WASHC2C: variants seen among roughly 807,000 people sequenced by gnomAD.
The protein encoded by WASHC2C is WASH complex subunit 2C, also known as Vaccinia Penetration Factor.
In WASHC2C, 73 loss-of-function variants were observed where a neutral mutation model predicts 142.2. The ratio of observed to expected loss-of-function variants is 0.51; its 90% CI spans 0.43 to 0.62. The LOEUF (loss-of-function observed/expected upper bound fraction) is 0.62, where lower values mean the gene tolerates loss of function less well. Among genes scored for constraint, WASHC2C ranks in the 20% least tolerant of loss-of-function variants. The pLI is 0.00. For synonymous variants in WASHC2C, 337 were observed against 565.5 expected, an observed-to-expected ratio of 0.60 and a Z score of 5.73; for missense variants, 969 against 1,531.7, an observed-to-expected ratio of 0.63 and a Z score of 6.13.
At chr10:45,727,854 C>G (rs1223106637) in intron 2 of WASHC2C, among the ~76,000 whole-genome samples, 2 of 152,120 alleles carry the variant, frequency 1.3e-5, no homozygotes, top group Non-Finnish European at 2.9e-5. Context: ...CTGTTGGGAC[C>G]TGGACTAAAT....
At chr10:45,727,383 G>C (rs1351436178) in intron 1 of WASHC2C, 34 bp from the exon 2 acceptor site, 2 of 1,609,368 alleles carry the variant, frequency 1.2e-6, no homozygotes, top group African/African-American at 2.7e-5. Flanking sequence ...GCCGCCCTCA[G>C]GCTCAGCCTC....
At chr10:45,758,642 C>G (rs1398138632) in intron 16 of WASHC2C, among the ~76,000 whole-genome samples, 2 of 143,398 alleles carry the variant, frequency 1.4e-5, no homozygotes, top group African/African-American at 5.2e-5. Flanking sequence ...GGGTCTTGCT[C>G]TGTTGCCCAG....
chr10:45,740,904 C>T (rs550973605), intron 5 of WASHC2C, among the ~76,000 whole-genome samples: 3,006 of 93,370 alleles, frequency 0.032, 47 homozygotes, highest in African/African-American at 0.12. Flanking sequence ...AGAAAGAGGC[C>T]TTGTGACACA....
chr10:45,729,054 C>T (rs782476895), intron 3 of WASHC2C, 28 bp downstream of exon 3: 3 of 1,589,404 alleles, frequency 1.9e-6, no homozygotes, highest in African/African-American at 1.4e-5. Flanking sequence ...ATTATAATTC[C>T]TTTTTTGGGA....
Position 45,789,059 on chromosome 10 carries a change from T to C in WASHC2C, c.3276T>C (p.Thr1092=). 1 of 1,612,014 alleles carries C rather than the reference T, an allele frequency of 6.2e-7. No homozygotes were observed. Among genetic ancestry groups the C allele is most frequent in the Non-Finnish European group, 8.5e-7 (1 of 1,179,850 alleles). The part of the protein sequence containing the change: ...QLRAASGEDS[T]EEALAAAAAP... ...GAGCAGCCAGTGGAGAAGACAGCAC[T>C]GAGGAGGCCCTGGCAGCTGCCGCTG... Residue 1092 remains threonine (T), a synonymous_variant, in exon 29 of 31, where the codon ACT becomes ACC. Coordinates refer to ENST00000623400, the MANE Select transcript of WASHC2C (RefSeq NM_001330074.2).
At chr10:45,746,526 A>G in intron 7 of WASHC2C, 74 bp from the exon 8 acceptor site, 2 of 1,545,514 alleles carry the variant, frequency 1.3e-6, no homozygotes, top group Non-Finnish European at 1.8e-6. Context: ...TGCCCCAGAG[A>G]CTTAGACCTG....
At chr10:45,760,095 C>T (rs2054901078) in intron 17 of WASHC2C, among the ~76,000 whole-genome samples, 2 of 145,168 alleles carry the variant, frequency 1.4e-5, no homozygotes, top group South Asian at 4.6e-4. Context: ...CTGGCATAGC[C>T]ATCTGTCTTG....
At chr10:45,791,142 A>G (rs1210281608) in intron 30 of WASHC2C, among the ~76,000 whole-genome samples, 1 of 151,698 alleles carries the variant, frequency 6.6e-6, no homozygotes, top group African/African-American at 2.4e-5. Flanking sequence ...TGAGCCACAT[A>G]CACATTTCCT....
At chr10:45,768,419 G>A (rs1388690858) in intron 19 of WASHC2C, among the ~76,000 whole-genome samples, 3 of 151,994 alleles carry the variant, frequency 2.0e-5, no homozygotes, top group Non-Finnish European at 2.9e-5. Context: ...AAACCTTCAT[G>A]TTTAGGAAAT....
chr10:45,762,107 A>T (rs1157040016), intron 17 of WASHC2C, among the ~76,000 whole-genome samples: 1 of 151,742 alleles, frequency 6.6e-6, no homozygotes, highest in African/African-American at 2.4e-5. Context: ...TCCCAAGGGA[A>T]TAGATGTCCC....
Position 45,763,371 on chromosome 10 carries a change from T to C in WASHC2C, c.1636-17T>C, listed in dbSNP as rs1207815625. On this transcript the variant is annotated splice_polypyrimidine_tract_variant and intron_variant, in intron 17 of 30. Transcript: ENST00000623400. Reference sequence around the variant, plus strand: ...TGATATTCCTGTTAACCAGCAACTTTAATTTCAATCCAACAGGATTTGTTT... The same window carrying C: ...TGATATTCCTGTTAACCAGCAACTTCAATTTCAATCCAACAGGATTTGTTT... 4 of 682,980 alleles carry C rather than the reference T, an allele frequency of 5.9e-6. No homozygotes were observed. Among genetic ancestry groups the C allele is most frequent in the Non-Finnish European group, 1.0e-5 (4 of 393,462 alleles). The allele number at this position is 682,980 out of a possible 1,614,324, so 42.3% of individuals were successfully genotyped here.
chr10:45,786,106 C>T (rs529214309), intron 26 of WASHC2C: 123 of 289,788 alleles, frequency 4.2e-4, no homozygotes, highest in African/African-American at 2.5e-3. Flanking sequence ...GACTGGAGAG[C>T]GAGTGACAGT....
At chr10:45,727,716 GA>G (rs1289735599) in intron 2 of WASHC2C, among the ~76,000 whole-genome samples, 177 bp downstream of exon 2, 1 of 152,190 alleles carries the variant, frequency 6.6e-6, no homozygotes, top group Admixed American at 6.5e-5. Flanking sequence ...CCACCAGGGA[GA>G]GGGGCAGACC....
intron 16 of WASHC2C, among the ~76,000 whole-genome samples, chr10:45,757,930 C>A (rs1554878158): frequency 6.6e-6 from 1 of 152,244 alleles, no homozygotes; most frequent in Non-Finnish European, 1.5e-5. Context: ...GGTTGGGGAC[C>A]CCTGCTTTAT....
At chr10:45,727,360 G>A in intron 1 of WASHC2C, 40 bp downstream of exon 1, 1 of 1,602,682 alleles carries the variant, frequency 6.2e-7, no homozygotes, top group Non-Finnish European at 8.5e-7. Context: ...CCTGGGCTGG[G>A]GCCGCCGTCC....
At chr10:45,790,082 A>G (rs2058308121) in intron 29 of WASHC2C, among the ~76,000 whole-genome samples, 1 of 152,236 alleles carries the variant, frequency 6.6e-6, no homozygotes. Flanking sequence ...TGAAGAAAGT[A>G]ACCTGGGGCA....
At chr10:45,775,680 A>ATTTTTT (rs569006368) in intron 21 of WASHC2C, among the ~76,000 whole-genome samples, 58 of 132,946 alleles carry the variant, frequency 4.4e-4, no homozygotes, top group African/African-American at 1.0e-3. Flanking sequence ...TTTGCATTGA[A>ATTTTTT]TTTTTTTTTT....
intron 25 of WASHC2C, 130 bp from the exon 26 acceptor site, chr10:45,785,379 G>C (rs1554889607): frequency 2.0e-6 from 2 of 1,016,702 alleles, no homozygotes; most frequent in Admixed American, 5.6e-5. Context: ...TGCTACCTTT[G>C]AGTTGGTTCA....
At chr10:45,772,341 G>A (rs1554884947) in intron 20 of WASHC2C, among the ~76,000 whole-genome samples, 2 of 152,018 alleles carry the variant, frequency 1.3e-5, no homozygotes, top group Admixed American at 1.3e-4. Context: ...AACTCGATGA[G>A]TATATTAAAG....
Sources: gnomAD v4.1 joint callset for allele counts (sites outside exome capture counted in the v4.1 genomes callset) on GRCh38, gnomAD v4.1.1 for gene constraint, MANE v1.5 for transcripts, NCBI Gene and HGNC (gene_info 2026-07-23, HGNC 2026-07-21) for gene names.